DNASE1: variants seen among roughly 807,000 people sequenced by gnomAD.
DNASE1 encodes deoxyribonuclease 1.
In DNASE1, 40 loss-of-function variants were observed where a neutral mutation model predicts 33.9. That is an observed-to-expected ratio of 1.18 (90% confidence interval 0.92 to 1.54). The LOEUF (loss-of-function observed/expected upper bound fraction) is 1.54. Ranked by LOEUF, DNASE1 falls within the 40% of genes most tolerant of loss-of-function variation. DNASE1 has a pLI of 0.00. For missense variants in DNASE1, 518 were observed against 372.6 expected (o/e 1.39, Z -3.21); for synonymous variants, 216 against 160.0 (o/e 1.35, Z -2.64).
chr16:3,659,759 A>G (rs2042958967), downstream of DNASE1: 1 of 143,288 alleles, frequency 7.0e-6, no homozygotes, highest in Non-Finnish European at 1.6e-5. Flanking sequence ...TTAGATAGAT[A>G]GATAGATAGA....
intron 1 of DNASE1, among the ~76,000 whole-genome samples, chr16:3,614,668 C>T (rs1333339957): frequency 2.6e-5 from 4 of 152,134 alleles, no homozygotes; most frequent in Non-Finnish European, 2.9e-5. Flanking sequence ...GGCTGACTTG[C>T]CTGTGAGAGG....
chr16:3,628,448 C>T (rs1476799184), intron 1 of DNASE1, among the ~76,000 whole-genome samples: 1 of 152,002 alleles, frequency 6.6e-6, no homozygotes, highest in Non-Finnish European at 1.5e-5. Context: ...CTAGAACTTC[C>T]AGTACTAGGT....
intron 1 of DNASE1, among the ~76,000 whole-genome samples, chr16:3,634,778 G>A (rs529325447): frequency 3.3e-5 from 5 of 152,044 alleles, no homozygotes; most frequent in South Asian, 4.1e-4. Context: ...GCCTCCCAAA[G>A]TGTTGGGATT....
At chr16:3,640,973 G>A (rs1489417512), upstream of DNASE1, 1 of 398,666 alleles carries the variant, frequency 2.5e-6, no homozygotes, top group African/African-American at 2.1e-5. Flanking sequence ...ACTTTGGACA[G>A]TGGGGAGCAG....
chr16:3,656,182 A>G lies in DNASE1; in HGVS notation c.317A>G (p.Tyr106Cys). ...TATAAGGAGCGCTACCTGTTCGTGT[A>G]CAGGTGGGTGGTCTAGAAAGCCAGG... ...NSYKERYLFV[Y>C]RPDQVSAVDS... Residue 106 changes from tyrosine (Y) to cysteine (C), a missense_variant, in exon 4 of 9, where the codon TAC becomes TGC. Coordinates refer to ENST00000246949, the MANE Select transcript of DNASE1 (RefSeq NM_005223.4). 6.2e-7 allele frequency: 1 copy of G among 1,614,020 alleles called. No homozygotes were observed. Among genetic ancestry groups the G allele is most frequent in the Non-Finnish European group, 8.5e-7 (1 of 1,179,970 alleles).
intron 1 of DNASE1, among the ~76,000 whole-genome samples, chr16:3,648,792 G>A (rs1555457893): frequency 6.6e-6 from 1 of 152,144 alleles, no homozygotes; most frequent in Non-Finnish European, 1.5e-5. Flanking sequence ...ACAAATGTCT[G>A]TTTGCATGAA....
intron 1 of DNASE1, among the ~76,000 whole-genome samples, chr16:3,633,623 A>G (rs1465057888): frequency 6.6e-6 from 1 of 151,776 alleles, no homozygotes; most frequent in African/African-American, 2.4e-5. Context: ...GAAAAAAAAA[A>G]AAAAAAGTCT....
At chr16:3,641,124 T>G, upstream of DNASE1, 2 of 396,138 alleles carry the variant, frequency 5.0e-6, no homozygotes, top group Non-Finnish European at 4.4e-6. Flanking sequence ...GGGTGGCTAG[T>G]GGTGGCCAGC....
chr16:3,649,318 A>G (rs531123235), intron 1 of DNASE1, among the ~76,000 whole-genome samples: 1 of 152,252 alleles, frequency 6.6e-6, no homozygotes, highest in Admixed American at 6.5e-5. Flanking sequence ...TCCTTTTTGC[A>G]TAGGAAAGGC....
At chr16:3,634,536 G>T (rs909696819) in intron 1 of DNASE1, among the ~76,000 whole-genome samples, 1 of 151,766 alleles carries the variant, frequency 6.6e-6, no homozygotes, top group African/African-American at 2.4e-5. Flanking sequence ...CCGAGACAGG[G>T]TCTTGGTCTG....
At chr16:3,640,609 CAG>C, upstream of DNASE1, 1 of 397,696 alleles carries the variant, frequency 2.5e-6, no homozygotes, top group Non-Finnish European at 4.4e-6. Context: ...AGTATATAAA[CAG>C]AGAACAAACA....
At chr16:3,662,457 C>T (rs537763912), downstream of DNASE1, 170 of 532,110 alleles carry the variant, frequency 3.2e-4, 1 homozygote, top group African/African-American at 1.2e-3. Flanking sequence ...ATGCATGGGA[C>T]GCTCATTTCT....
exon 10 of DNASE1, chr16:3,663,144 G>C (rs1242953656): frequency 1.5e-6 from 1 of 662,166 alleles, no homozygotes; most frequent in Non-Finnish European, 2.5e-6. Context: ...GGTTGCCTGA[G>C]GCCCATACAA....
At chr16:3,625,444 C>A (rs552950109) in intron 1 of DNASE1, among the ~76,000 whole-genome samples, 29 of 152,062 alleles carry the variant, frequency 1.9e-4, no homozygotes, top group African/African-American at 6.3e-4. Flanking sequence ...GTAGTGAGAC[C>A]CATCGCTGCA....
rs747156633 is a variant in DNASE1 at position 3,657,857 on chromosome 16, C to G, written c.801+41C>G. On this transcript the variant is annotated intron_variant, in intron 8 of 8. Transcript: ENST00000246949. ...TGCACAGCCACATGAGGATGGGACA[C>G]AGGAGCTCAGGTAGGCTCAGCCCAG... is the stretch of plus-strand genomic sequence containing the variant. 4.3e-6 allele frequency: 7 copies of G among 1,614,008 alleles called. No homozygotes were observed. In the South Asian group the frequency reaches 7.7e-5, roughly 18 times the overall value.
At chr16:3,655,150 C>A in intron 1 of DNASE1, 106 bp downstream of exon 1, 1 of 620,620 alleles carries the variant, frequency 1.6e-6, no homozygotes, top group Non-Finnish European at 2.8e-6. Flanking sequence ...CTCCAGCGTC[C>A]CTCCCGGGCG....
At chr16:3,657,865 C>A in intron 8 of DNASE1, 41 bp from the exon 9 acceptor site, 1 of 1,614,006 alleles carries the variant, frequency 6.2e-7, no homozygotes, top group Admixed American at 1.7e-5. Context: ...CACAGGAGCT[C>A]AGGTAGGCTC....
At chr16:3,630,157 GTTGTTGTTTTGTTTT>G (rs2041652129) in intron 1 of DNASE1, among the ~76,000 whole-genome samples, 1 of 151,188 alleles carries the variant, frequency 6.6e-6, no homozygotes, top group Non-Finnish European at 1.5e-5. Flanking sequence ...GTGTGTGTTT[GTTGTTGTTTTGTTTT>G]TTGTTGTTTT....
rs377278126 is a variant in DNASE1 at position 3,657,039 on chromosome 16, G to A, written c.477G>A (p.Pro159=). The change falls in exon 6 of 9, where the codon CCG becomes CCA. Residue 159 remains proline, a synonymous_variant. Coordinates refer to ENST00000246949, the MANE Select transcript of DNASE1 (RefSeq NM_005223.4). ...EFAIVPLHAA[P]GDAVAEIDAL... ...CCATTGTTCCCCTGCATGCGGCCCCGGGGGACGCAGTAGCCGAGATCGACG... is the reference window on the plus strand; with the variant it reads ...CCATTGTTCCCCTGCATGCGGCCCCAGGGGACGCAGTAGCCGAGATCGACG... 1.2e-5 allele frequency: 20 copies of A among 1,613,546 alleles called. No homozygotes were observed. The highest frequency in any genetic ancestry group is 4.0e-5 in the African/African-American group (3 of 74,850).
Sources: gnomAD v4.1 joint callset for allele counts (sites outside exome capture counted in the v4.1 genomes callset) on GRCh38, gnomAD v4.1.1 for gene constraint, MANE v1.5 for transcripts, NCBI Gene and HGNC (gene_info 2026-07-23, HGNC 2026-07-21) for gene names.